PAPPA: variants seen among roughly 807,000 people sequenced by gnomAD.
The protein encoded by PAPPA is pappalysin-1.
Under a neutral mutation model 164.0 loss-of-function variants are expected in PAPPA, and 60 were observed. The observed-to-expected ratio is 0.37, with a 90% CI of 0.30 to 0.45. The LOEUF is 0.45. PAPPA is among the 20% of genes least tolerant of loss of function. PAPPA has a pLI of 1.00. For synonymous variants in PAPPA, 875 were observed against 814.1 expected (o/e 1.07, Z -1.27); for missense variants, 1,782 against 2,087.3 (o/e 0.85, Z 2.85).
At chr9:116,329,981 T>C (rs1310480094) in intron 10 of PAPPA, among the ~76,000 whole-genome samples, 2 of 152,246 alleles carry the variant, frequency 1.3e-5, no homozygotes, top group Non-Finnish European at 2.9e-5. Context: ...GAAATGGATA[T>C]TCTTAATCCT....
intron 9 of PAPPA, among the ~76,000 whole-genome samples, chr9:116,294,758 T>C (rs1263634417): frequency 2.6e-5 from 4 of 152,184 alleles, no homozygotes; most frequent in African/African-American, 9.6e-5. Context: ...ATTGAACCCA[T>C]CTCTAAATAA....
intron 5 of PAPPA, among the ~76,000 whole-genome samples, chr9:116,222,267 G>A (rs2118711198): frequency 6.6e-6 from 1 of 152,198 alleles, no homozygotes; most frequent in African/African-American, 2.4e-5. Flanking sequence ...GTGTACAGAT[G>A]GTCTCCAATT....
At chr9:116,375,666 TC>T (rs757329316) in intron 19 of PAPPA, among the ~76,000 whole-genome samples, 1 of 152,172 alleles carries the variant, frequency 6.6e-6, no homozygotes, top group African/African-American at 2.4e-5. Context: ...AGGCACCCAA[TC>T]CAGTCTTGGG....
intron 1 of PAPPA, among the ~76,000 whole-genome samples, chr9:116,179,330 G>A (rs1477178401): frequency 2.0e-5 from 3 of 152,160 alleles, no homozygotes; most frequent in Non-Finnish European, 4.4e-5. Context: ...TCATTCTACT[G>A]CTCCATGCCG....
chr9:116,269,704 G>A (rs1442783713), intron 8 of PAPPA, among the ~76,000 whole-genome samples: 2 of 152,208 alleles, frequency 1.3e-5, no homozygotes, highest in East Asian at 3.8e-4. Context: ...CACTGTTTGG[G>A]TGGCGATGGA....
At chr9:116,300,163 T>C (rs1049396521) in intron 9 of PAPPA, among the ~76,000 whole-genome samples, 1 of 152,236 alleles carries the variant, frequency 6.6e-6, no homozygotes, top group Non-Finnish European at 1.5e-5. Flanking sequence ...GTATTCTTTC[T>C]ATATTGAACT....
chr9:116,294,124 G>T (rs1845472094), intron 9 of PAPPA, among the ~76,000 whole-genome samples: 1 of 152,056 alleles, frequency 6.6e-6, no homozygotes, highest in Non-Finnish European at 1.5e-5. Context: ...TGTGCTATAG[G>T]TGCCTTCCTT....
intron 15 of PAPPA, among the ~76,000 whole-genome samples, chr9:116,348,500 A>C (rs1040918096): frequency 1.3e-5 from 2 of 151,982 alleles, no homozygotes; most frequent in Non-Finnish European, 2.9e-5. Context: ...TTTTTAAAAA[A>C]AACTTTTATT....
intron 5 of PAPPA, among the ~76,000 whole-genome samples, chr9:116,221,852 C>G (rs950726986): frequency 1.3e-5 from 2 of 152,132 alleles, no homozygotes; most frequent in South Asian, 2.1e-4. Context: ...AAATGGCCAA[C>G]AGCTATGTAG....
chr9:116,189,999 G>T (rs1286991368), intron 2 of PAPPA, among the ~76,000 whole-genome samples: 2 of 152,222 alleles, frequency 1.3e-5, no homozygotes, highest in Non-Finnish European at 2.9e-5. Flanking sequence ...GTGAGGAGAA[G>T]CCTTGGTGTG....
At position 116,335,008 on chromosome 9, in the gene PAPPA, A is replaced by G; in HGVS notation, c.3545A>G (p.Asp1182Gly). 1 of 1,613,888 alleles carries G rather than the reference A, an allele frequency of 6.2e-7. No homozygotes were observed. Among genetic ancestry groups the G allele is most frequent in the Non-Finnish European group, 8.5e-7 (1 of 1,179,968 alleles). The change falls in exon 13 of 22, where the codon GAC becomes GGC. Residue 1182 changes from aspartate to glycine, a missense_variant. Coordinates refer to ENST00000328252, the MANE Select transcript of PAPPA (RefSeq NM_002581.5). ...AISGVALRSF[D>G]NFDPVTLSSC... is the part of the protein sequence containing the mutation. ...TCGGGGGTGGCCCTCCGTTCCTTCG[A>G]CAACTTTGACCCCGTCACCCTGAGC...
In PAPPA at chr9:116,154,846, C is replaced by T. The variant is rs186523181; in HGVS notation, c.415+259C>T. 1.4e-3 allele frequency among the ~76,000 whole-genome samples: 207 copies of T among 152,340 alleles called. 1 individual carries two copies. The highest frequency in any genetic ancestry group is 4.8e-3 in the African/African-American group (201 of 41,586). ...CCCTCCTGGCGGCCCCGCGGACCCT[C>T]GGCCAGTGAGGGCTGGTTCCCGGAG... On this transcript the variant is annotated intron_variant, in intron 1 of 21. Transcript: ENST00000328252. The surrounding 1 kb of genome is among the most constrained non-coding windows in gnomAD (Gnocchi z 5.2).
In PAPPA at chr9:116,350,226, C is replaced by A. The variant is rs181078018; in HGVS notation, c.3965-2480C>A. On this transcript the variant is annotated intron_variant, in intron 15 of 21. Transcript: ENST00000328252. Reference sequence around the variant, plus strand: ...TAATAGCCCTCAGGCAGAGAGTTGGCAGTGCAGTAAGCATCTTTCACAGTA... The same window carrying A: ...TAATAGCCCTCAGGCAGAGAGTTGGAAGTGCAGTAAGCATCTTTCACAGTA... Among the ~76,000 whole-genome samples the A allele has an allele frequency of 3.6e-4, 55 of 152,276 alleles. No individual in the cohort carries two copies. The Middle Eastern group carries it at 0.017, about 47-fold the overall frequency.
intron 12 of PAPPA, among the ~76,000 whole-genome samples, chr9:116,333,287 C>T (rs1400501730): frequency 3.3e-5 from 5 of 152,186 alleles, no homozygotes; most frequent in South Asian, 2.1e-4. Context: ...CAATGATATC[C>T]ACCTTAGAGT....
intron 5 of PAPPA, among the ~76,000 whole-genome samples, chr9:116,225,597 G>GC (rs1240100791): frequency 2.0e-5 from 3 of 152,076 alleles, no homozygotes; most frequent in Admixed American, 2.0e-4. Flanking sequence ...AAATATTTCT[G>GC]CAATAACTGC....
intron 10 of PAPPA, among the ~76,000 whole-genome samples, chr9:116,316,824 C>T (rs74614287): frequency 0.032 from 4,844 of 152,242 alleles, 194 homozygotes; most frequent in African/African-American, 0.095. Context: ...AAATCAAGCT[C>T]GAGGCAACCT....
chr9:116,160,959 CAG>C (rs1031313209), intron 1 of PAPPA, among the ~76,000 whole-genome samples: 7 of 152,170 alleles, frequency 4.6e-5, no homozygotes, highest in African/African-American at 1.7e-4. Context: ...ACTGGGGCCT[CAG>C]GGGAGAGGGT....
intron 7 of PAPPA, among the ~76,000 whole-genome samples, chr9:116,254,662 A>G (rs192621209): frequency 1.8e-4 from 27 of 151,786 alleles, no homozygotes; most frequent in Middle Eastern, 3.4e-3. Flanking sequence ...GGCGCCTGTA[A>G]TCCCAGCTAC....
At chr9:116,163,185 G>A (rs1451276815) in intron 1 of PAPPA, among the ~76,000 whole-genome samples, 2 of 152,196 alleles carry the variant, frequency 1.3e-5, no homozygotes, top group Admixed American at 6.5e-5. Flanking sequence ...TTGGGGAGAA[G>A]GTGGAGACAG....
Sources: gnomAD v4.1 joint callset for allele counts (sites outside exome capture counted in the v4.1 genomes callset) on GRCh38, gnomAD v4.1.1 for gene constraint, Gnocchi (gnomAD v3.1) non-coding constraint, MANE v1.5 for transcripts, NCBI Gene and HGNC (gene_info 2026-07-23, HGNC 2026-07-21) for gene names.